GALNT13: variants seen among roughly 807,000 people sequenced by gnomAD.
The protein encoded by GALNT13 is UDP-GalNAc:polypeptide N-acetylgalactosaminyltransferase 13.
A neutral mutation model predicts 64.2 loss-of-function variants in GALNT13; 28 were observed. The observed-to-expected ratio is 0.44, with a 90% CI of 0.32 to 0.60. GALNT13 has a LOEUF of 0.60. GALNT13 is among the 20% of genes least tolerant of loss of function. GALNT13 has a pLI of 0.05. For missense variants in GALNT13, 577 were observed against 669.8 expected, an observed-to-expected ratio of 0.86 and a Z score of 1.53; for synonymous variants, 214 against 224.6, an observed-to-expected ratio of 0.95 and a Z score of 0.42.
intron 8 of GALNT13, among the ~76,000 whole-genome samples, chr2:154,282,002 C>A (rs1691987632): frequency 6.6e-6 from 1 of 152,142 alleles, no homozygotes; most frequent in East Asian, 1.9e-4. Context: ...TCAGGAACTT[C>A]ATTACTAAAT....
the GALNT13 span, among the ~76,000 whole-genome samples, chr2:153,323,190 C>A: frequency 1.3e-5 from 2 of 152,190 alleles, no homozygotes; most frequent in African/African-American, 2.4e-5. Flanking sequence ...GATTGCCACT[C>A]TAACTGGCAT....
At chr2:153,565,281 G>C in the GALNT13 span, among the ~76,000 whole-genome samples, 1,010 of 152,240 alleles carry the variant, frequency 6.6e-3, 15 homozygotes, top group African/African-American at 0.023. Flanking sequence ...AACATGTTGA[G>C]GCAGGTGCTT....
chr2:153,440,686 G>T, the GALNT13 span, among the ~76,000 whole-genome samples: 1 of 152,058 alleles, frequency 6.6e-6, no homozygotes, highest in Non-Finnish European at 1.5e-5. Flanking sequence ...TTGATTTGCA[G>T]TTATCTAATG....
the GALNT13 span, among the ~76,000 whole-genome samples, chr2:153,309,127 C>T: frequency 6.6e-6 from 1 of 152,028 alleles, no homozygotes; most frequent in Non-Finnish European, 1.5e-5. Context: ...TTTTGGTATT[C>T]TGAAGCTATT....
At chr2:154,428,904 C>A (rs1357287087) in intron 11 of GALNT13, among the ~76,000 whole-genome samples, 1 of 152,076 alleles carries the variant, frequency 6.6e-6, no homozygotes, top group Non-Finnish European at 1.5e-5. Flanking sequence ...GCCTCAGCCT[C>A]CCACGGGCGC....
chr2:153,782,898 C>T, the GALNT13 span, among the ~76,000 whole-genome samples: 1,089 of 152,292 alleles, frequency 7.2e-3, 96 homozygotes, highest in East Asian at 0.19. Flanking sequence ...AGCTCACTCA[C>T]TCACATGGTT....
chr2:154,184,454 C>T (rs1686139991), intron 4 of GALNT13, among the ~76,000 whole-genome samples: 1 of 151,642 alleles, frequency 6.6e-6, no homozygotes, highest in African/African-American at 2.4e-5. Flanking sequence ...TTTTTAATTC[C>T]TTTGTTATTT....
intron 9 of GALNT13, among the ~76,000 whole-genome samples, chr2:154,392,076 G>A (rs1414758312): frequency 1.3e-5 from 2 of 152,130 alleles, no homozygotes; most frequent in South Asian, 2.1e-4. Context: ...ATGAATGAAC[G>A]TGGGATGTTT....
chr2:153,810,588 G>A, the GALNT13 span, among the ~76,000 whole-genome samples: 3 of 152,076 alleles, frequency 2.0e-5, no homozygotes, highest in African/African-American at 4.8e-5. Context: ...AAATAAAGCT[G>A]GGGAGAGAGA....
rs578077140 is a variant in GALNT13 at position 153,967,592 on chromosome 2, G to T, written c.142+22953G>T. On this transcript the variant is annotated intron_variant, in intron 3 of 12. Transcript: ENST00000392825. ...TGCCCTGTCTTTTCCCCAGGCAAAA[G>T]GAGTTTTTCTCCATGTGGCACTGCC... Among the ~76,000 whole-genome samples, 3 of 152,232 alleles carry T rather than the reference G, an allele frequency of 2.0e-5. No homozygotes were observed. In the South Asian group the frequency reaches 6.2e-4, roughly 32 times the overall value.
the GALNT13 span, among the ~76,000 whole-genome samples, chr2:153,595,585 G>T: frequency 2.6e-5 from 4 of 151,760 alleles, no homozygotes; most frequent in African/African-American, 4.8e-5. Context: ...TTCCTACAGT[G>T]ATTTTTATAA....
intron 9 of GALNT13, among the ~76,000 whole-genome samples, chr2:154,319,475 G>A (rs1181495268): frequency 6.6e-6 from 1 of 152,170 alleles, no homozygotes; most frequent in East Asian, 1.9e-4. Flanking sequence ...AGACCAGCCT[G>A]GGCAACGTGG....
At chr2:153,987,801 G>T (rs1694899838) in intron 3 of GALNT13, among the ~76,000 whole-genome samples, 1 of 151,676 alleles carries the variant, frequency 6.6e-6, no homozygotes, top group South Asian at 2.1e-4. Flanking sequence ...CATCTTTGCA[G>T]AGAAGGATGC....
At chr2:153,647,853 G>C in the GALNT13 span, among the ~76,000 whole-genome samples, 2 of 152,190 alleles carry the variant, frequency 1.3e-5, no homozygotes, top group East Asian at 1.9e-4. Context: ...GTACCATGCT[G>C]TTTTGGTTAC....
At chr2:153,289,977 G>A in the GALNT13 span, among the ~76,000 whole-genome samples, 1 of 152,154 alleles carries the variant, frequency 6.6e-6, no homozygotes, top group African/African-American at 2.4e-5. Flanking sequence ...TTTACCAGTT[G>A]TGTGGCCAAA....
At chr2:153,523,043 A>AC in the GALNT13 span, among the ~76,000 whole-genome samples, 1 of 83,404 alleles carries the variant, frequency 1.2e-5, no homozygotes, top group East Asian at 4.2e-4. Flanking sequence ...TGTGTTTACT[A>AC]TTTTTTTTTT....
At chr2:153,872,615 G>T (rs1309558546) in intron 1 of GALNT13, among the ~76,000 whole-genome samples, 1 of 57,380 alleles carries the variant, frequency 1.7e-5, no homozygotes, top group Non-Finnish European at 3.7e-5. Context: ...TGAGTTGTTG[G>T]TGGCGGGGGG....
chr2:153,538,476 G>T, the GALNT13 span, among the ~76,000 whole-genome samples: 1 of 121,292 alleles, frequency 8.2e-6, no homozygotes, highest in Non-Finnish European at 1.7e-5. Flanking sequence ...GTGCCATGCT[G>T]GTGCGCTGCA....
the GALNT13 span, among the ~76,000 whole-genome samples, chr2:153,113,522 A>G: frequency 6.6e-6 from 1 of 152,068 alleles, no homozygotes; most frequent in East Asian, 1.9e-4. Context: ...AGGGAAGCAC[A>G]TATGAAATAT....
Sources: gnomAD v4.1 joint callset for allele counts (sites outside exome capture counted in the v4.1 genomes callset) on GRCh38, gnomAD v4.1.1 for gene constraint, MANE v1.5 for transcripts, NCBI Gene and HGNC (gene_info 2026-07-23, HGNC 2026-07-21) for gene names.